Variants in HERC4 observed in about 807,000 individuals in gnomAD.
The protein encoded by HERC4 is HECT and RLD domain containing E3 ubiquitin protein ligase 4, also known as probable E3 ubiquitin-protein ligase HERC4.
A neutral mutation model predicts 124.3 loss-of-function variants in HERC4; 28 were observed. The ratio of observed to expected loss-of-function variants is 0.23; its 90% CI spans 0.17 to 0.31. HERC4 has a LOEUF of 0.31. HERC4 is among the 10% of genes least tolerant of loss of function. The probability of loss-of-function intolerance (pLI) is 1.00; values close to 1 mark genes in which losing one functional copy is unlikely to be tolerated. For missense variants in HERC4, 713 were observed against 1,229.3 expected (o/e 0.58, Z 6.28); for synonymous variants, 407 against 421.5 (o/e 0.97, Z 0.42).
chr10:67,998,769 G>A (rs549058443), intron 9 of HERC4, among the ~76,000 whole-genome samples: 3 of 151,952 alleles, frequency 2.0e-5, no homozygotes, highest in African/African-American at 7.2e-5. Context: ...ATGGAGTTTT[G>A]CTCTTGTTGC....
intron 3 of HERC4, among the ~76,000 whole-genome samples, chr10:68,066,731 G>T (rs1438526153): frequency 6.6e-6 from 1 of 152,146 alleles, no homozygotes; most frequent in Non-Finnish European, 1.5e-5. Context: ...AGTTAGACAA[G>T]GGGATATATA....
At chr10:68,069,830 C>T in intron 3 of HERC4, 1 of 698,424 alleles carries the variant, frequency 1.4e-6, no homozygotes, top group Non-Finnish European at 1.8e-6. Context: ...ATCACAAGGT[C>T]AGGATATCAA....
chr10:68,000,580 A>AG (rs1251599527), intron 9 of HERC4, among the ~76,000 whole-genome samples: 1 of 151,770 alleles, frequency 6.6e-6, no homozygotes, highest in Non-Finnish European at 1.5e-5. Context: ...CTGTCTCAAA[A>AG]AAAAAAAAAA....
At chr10:68,030,825 T>A (rs1430016385) in intron 7 of HERC4, among the ~76,000 whole-genome samples, 1 of 152,234 alleles carries the variant, frequency 6.6e-6, no homozygotes, top group Non-Finnish European at 1.5e-5. Context: ...AAATGTGACA[T>A]CTTTATGGAA....
At chr10:68,069,743 T>C (rs1031495444) in intron 3 of HERC4, 1 of 985,370 alleles carries the variant, frequency 1.0e-6, no homozygotes, top group Non-Finnish European at 1.2e-6. Flanking sequence ...GACACAAGTT[T>C]AAAGTTCTTG....
intron 3 of HERC4, among the ~76,000 whole-genome samples, chr10:68,051,758 C>T (rs1259195192): frequency 4.0e-5 from 6 of 148,776 alleles, no homozygotes; most frequent in African/African-American, 1.5e-4. Context: ...GGCGTGATCT[C>T]GGCTCACTGC....
intron 19 of HERC4, among the ~76,000 whole-genome samples, chr10:67,951,251 G>C (rs1263616027): frequency 1.3e-5 from 2 of 152,104 alleles, no homozygotes; most frequent in African/African-American, 4.8e-5. Flanking sequence ...AATTCTACCT[G>C]CTACACCACT....
Position 67,992,181 on chromosome 10 carries a change from C to T in HERC4, c.1271+18G>A. On this transcript the variant is annotated intron_variant, in intron 11 of 24. Transcript: ENST00000373700. ...ACAGGCATGAGCCACTGTGCCTGGCCCAAAATGCTTTTCTTACTTGGCTAT... is the reference window on the plus strand; with the variant it reads ...ACAGGCATGAGCCACTGTGCCTGGCTCAAAATGCTTTTCTTACTTGGCTAT... 6.2e-7 allele frequency: 1 copy of T among 1,611,544 alleles called. No individual in the cohort carries two copies. The highest frequency in any genetic ancestry group is 1.1e-5 in the South Asian group (1 of 90,916).
At position 67,988,741 on chromosome 10, in the gene HERC4, G is replaced by A. The variant is rs757377501; in HGVS notation, c.1728C>T (p.Ile576=). Residue 576 remains isoleucine, a synonymous_variant, in exon 15 of 25, where the codon ATC becomes ATT. Coordinates refer to ENST00000373700, the MANE Select transcript of HERC4 (RefSeq NM_015601.4). ...VVVHLLKLYK[I]GIPPSERRIF... ...TTCTTCTTTCAGAAGGGGGAATACCGATCTTGTAGAGTTTCAAAAGATGTA... is the reference window on the plus strand; with the variant it reads ...TTCTTCTTTCAGAAGGGGGAATACCAATCTTGTAGAGTTTCAAAAGATGTA... The A allele has an allele frequency of 5.6e-6, 9 of 1,604,596 alleles. No individual in the cohort carries two copies. Among genetic ancestry groups the A allele is most frequent in the African/African-American group, 1.3e-5 (1 of 74,480 alleles).
intron 8 of HERC4, among the ~76,000 whole-genome samples, chr10:68,020,372 T>C (rs1195996512): frequency 6.7e-6 from 1 of 149,182 alleles, no homozygotes; most frequent in Non-Finnish European, 1.5e-5. Context: ...AAAGACTAAA[T>C]CAAACATCCT....
chr10:68,025,721 GA>G, intron 7 of HERC4, 45 bp from the exon 8 acceptor site: 1 of 1,542,410 alleles, frequency 6.5e-7, no homozygotes. Flanking sequence ...CATGATAAAA[GA>G]AAATAACTGA....
intron 19 of HERC4, among the ~76,000 whole-genome samples, chr10:67,942,046 T>C (rs977625571): frequency 6.6e-6 from 1 of 152,172 alleles, no homozygotes; most frequent in African/African-American, 2.4e-5. Context: ...GATGCTTAGA[T>C]AACTGAAACA....
intron 9 of HERC4, among the ~76,000 whole-genome samples, chr10:68,000,249 G>C (rs764100326): frequency 6.6e-6 from 1 of 152,058 alleles, no homozygotes; most frequent in African/African-American, 2.4e-5. Context: ...CAGCAGGTTT[G>C]GGGTATTCCT....
At chr10:68,003,695 C>CT (rs1389091215) in intron 9 of HERC4, among the ~76,000 whole-genome samples, 2 of 152,112 alleles carry the variant, frequency 1.3e-5, no homozygotes, top group Middle Eastern at 3.2e-3. Context: ...GGATCCCATT[C>CT]TTTTTTATGG....
intron 3 of HERC4, among the ~76,000 whole-genome samples, chr10:68,054,052 T>C (rs116548874): frequency 2.9e-3 from 446 of 152,310 alleles, no homozygotes; most frequent in African/African-American, 9.9e-3. Context: ...CTACCATGCC[T>C]CATTAGTTGT....
chr10:68,070,087 A>G (rs1400430229), intron 3 of HERC4: 1 of 984,888 alleles, frequency 1.0e-6, no homozygotes, highest in African/African-American at 1.7e-5. Context: ...CTCCTGGGAA[A>G]TGAACTATGT....
intron 3 of HERC4, among the ~76,000 whole-genome samples, chr10:68,062,558 T>C (rs529334342): frequency 6.5e-4 from 99 of 151,256 alleles, no homozygotes; most frequent in African/African-American, 2.0e-3. Context: ...TCGAGACCAG[T>C]ATGGTCAACA....
chr10:67,932,430 A>C (rs1332453588), intron 23 of HERC4, among the ~76,000 whole-genome samples, 167 bp downstream of exon 23: 2 of 152,206 alleles, frequency 1.3e-5, no homozygotes, highest in African/African-American at 4.8e-5. Flanking sequence ...ATAGTGTCTA[A>C]TTCATATACC....
At chr10:68,016,039 G>T (rs2038245903) in intron 8 of HERC4, among the ~76,000 whole-genome samples, 1 of 152,076 alleles carries the variant, frequency 6.6e-6, no homozygotes, top group Admixed American at 6.5e-5. Context: ...GAAGGCAGAG[G>T]TTGCAGTGAG....
Sources: gnomAD v4.1 joint callset for allele counts (sites outside exome capture counted in the v4.1 genomes callset) on GRCh38, gnomAD v4.1.1 for gene constraint, MANE v1.5 for transcripts, NCBI Gene and HGNC (gene_info 2026-07-23, HGNC 2026-07-21) for gene names.